The following UPP2 variants were observed in gnomAD, a reference collection of about 807,000 sequenced individuals.
UPP2 encodes uridine phosphorylase 2.
Under a neutral mutation model 26.7 loss-of-function variants are expected in UPP2, and 23 were observed. The observed-to-expected ratio is 0.86, with a 90% CI of 0.62 to 1.22. The LOEUF (loss-of-function observed/expected upper bound fraction) is 1.22, where lower values mean the gene tolerates loss of function less well. Ranked by LOEUF, UPP2 falls within the 50% of genes most tolerant of loss-of-function variation. The pLI is 0.00. For missense variants in UPP2, 387 were observed against 396.7 expected (o/e 0.98, Z 0.21); for synonymous variants, 127 against 141.3 (o/e 0.90, Z 0.72).
At chr2:158,005,821 C>T (rs548440403) in intron 2 of UPP2, among the ~76,000 whole-genome samples, 31 of 152,242 alleles carry the variant, frequency 2.0e-4, no homozygotes, top group African/African-American at 6.0e-4. Flanking sequence ...GCCCAGCCCC[C>T]GAAGGCCTCT....
chr2:158,032,822 A>G (rs1461721162), intron 3 of UPP2, among the ~76,000 whole-genome samples: 1 of 152,170 alleles, frequency 6.6e-6, no homozygotes, highest in African/African-American at 2.4e-5. Context: ...GCTAAATAGC[A>G]ATGCTTTTCA....
intron 3 of UPP2, among the ~76,000 whole-genome samples, chr2:158,047,958 T>G (rs1334783310): frequency 6.6e-6 from 1 of 152,170 alleles, no homozygotes; most frequent in African/African-American, 2.4e-5. Context: ...GCTCAAAATC[T>G]GAGGAGAGAA....
At chr2:158,044,305 G>A (rs1283884386) in intron 3 of UPP2, among the ~76,000 whole-genome samples, 1 of 152,166 alleles carries the variant, frequency 6.6e-6, no homozygotes, top group Non-Finnish European at 1.5e-5. Context: ...ACCATAGTGG[G>A]AAATTGGATT....
At chr2:158,077,626 T>C (rs1210126243) in intron 3 of UPP2, among the ~76,000 whole-genome samples, 9 of 152,062 alleles carry the variant, frequency 5.9e-5, no homozygotes, top group Admixed American at 5.9e-4. Context: ...TCACCATATA[T>C]AAAAATCAAA....
chr2:158,104,910 A>C (rs1254092440), intron 1 of UPP2, among the ~76,000 whole-genome samples: 1 of 137,986 alleles, frequency 7.2e-6, no homozygotes, highest in Non-Finnish European at 1.6e-5. Flanking sequence ...GACAGAGCGA[A>C]ACTCTGAAAG....
At chr2:158,005,034 C>A (rs1310514433) in intron 2 of UPP2, among the ~76,000 whole-genome samples, 1 of 152,156 alleles carries the variant, frequency 6.6e-6, no homozygotes, top group Non-Finnish European at 1.5e-5. Context: ...ATCCCTAAAT[C>A]TTATCAACCA....
At chr2:158,091,858 A>G (rs1682917371) in intron 3 of UPP2, among the ~76,000 whole-genome samples, 3 of 152,210 alleles carry the variant, frequency 2.0e-5, no homozygotes. Context: ...CATTTTCTTG[A>G]TCAAAATAAT....
chr2:158,065,074 A>C (rs768454295), intron 3 of UPP2, among the ~76,000 whole-genome samples: 6 of 152,202 alleles, frequency 3.9e-5, no homozygotes, highest in Admixed American at 3.3e-4. Context: ...AGATCGACGC[A>C]GTAGGCCACC....
chr2:158,057,120 T>C (rs1682258016), intron 3 of UPP2, among the ~76,000 whole-genome samples: 1 of 152,206 alleles, frequency 6.6e-6, no homozygotes, highest in Non-Finnish European at 1.5e-5. Context: ...TCATCACATC[T>C]TATCAAGGGT....
chr2:158,021,291 A>G (rs1225438725), intron 3 of UPP2, among the ~76,000 whole-genome samples: 5 of 152,228 alleles, frequency 3.3e-5, no homozygotes, highest in Non-Finnish European at 5.9e-5. Context: ...GTTAACATGA[A>G]GTCTTTTTAA....
chr2:158,133,710 G>C (rs1350924948), intron 6 of UPP2: 2 of 152,112 alleles, frequency 1.3e-5, no homozygotes, highest in African/African-American at 4.8e-5. Flanking sequence ...CCCAAATCTA[G>C]ATCTTACAAA....
intron 3 of UPP2, among the ~76,000 whole-genome samples, chr2:158,092,497 T>C (rs1182422612): frequency 2.0e-5 from 3 of 152,168 alleles, no homozygotes; most frequent in African/African-American, 7.2e-5. Context: ...CCATGCTAAA[T>C]AGTCACTCAA....
intron 6 of UPP2, among the ~76,000 whole-genome samples, chr2:158,132,583 T>C (rs1484389763): frequency 6.6e-6 from 1 of 152,188 alleles, no homozygotes; most frequent in Non-Finnish European, 1.5e-5. Context: ...GATACATGGA[T>C]TGGAGAAATG....
intron 3 of UPP2, among the ~76,000 whole-genome samples, chr2:158,053,865 G>T (rs921270546): frequency 1.3e-5 from 2 of 152,148 alleles, no homozygotes; most frequent in Non-Finnish European, 2.9e-5. Flanking sequence ...AGTAAATAGT[G>T]AAAAAGCTAA....
chr2:158,038,786 A>G (rs1558911315), intron 3 of UPP2, among the ~76,000 whole-genome samples: 1 of 152,206 alleles, frequency 6.6e-6, no homozygotes, highest in Non-Finnish European at 1.5e-5. Flanking sequence ...GAGGGTTTCT[A>G]TAAAGATGGC....
upstream of UPP2, among the ~76,000 whole-genome samples, chr2:158,097,601 G>A (rs1351637281): frequency 6.6e-6 from 1 of 152,186 alleles, no homozygotes; most frequent in Non-Finnish European, 1.5e-5. Flanking sequence ...GGAAACAGGA[G>A]CTTGCAGTCC....
chr2:158,002,440 A>T (rs1171248204), intron 2 of UPP2, among the ~76,000 whole-genome samples: 1 of 152,208 alleles, frequency 6.6e-6, no homozygotes, highest in Non-Finnish European at 1.5e-5. Flanking sequence ...TTTATTTTGA[A>T]TCCTACATTT....
intron 2 of UPP2, among the ~76,000 whole-genome samples, chr2:158,003,248 A>C (rs763059338): frequency 3.3e-5 from 5 of 152,070 alleles, no homozygotes; most frequent in Non-Finnish European, 7.4e-5. Flanking sequence ...TGGAGGTTGT[A>C]GGGGGTGAGA....
intron 3 of UPP2, among the ~76,000 whole-genome samples, chr2:158,042,320 C>T (rs528367547): frequency 1.1e-4 from 17 of 152,254 alleles, no homozygotes; most frequent in Admixed American, 2.0e-4. Flanking sequence ...AACAACCCCC[C>T]TCGCTTTTTT....
Sources: gnomAD v4.1 joint callset for allele counts (sites outside exome capture counted in the v4.1 genomes callset) on GRCh38, gnomAD v4.1.1 for gene constraint, MANE v1.5 for transcripts, NCBI Gene and HGNC (gene_info 2026-07-23, HGNC 2026-07-21) for gene names.